BBS9: variants seen among roughly 807,000 people sequenced by gnomAD.
The protein encoded by BBS9 is Bardet-Biedl syndrome 9.
BBS9 carries 89 observed loss-of-function variants against 117.7 expected under a neutral mutation model. The ratio of observed to expected loss-of-function variants is 0.76; its 90% CI spans 0.64 to 0.90. The LOEUF (loss-of-function observed/expected upper bound fraction) is 0.90. BBS9 is among the 40% of genes least tolerant of loss of function. The pLI is 0.00. For synonymous variants in BBS9, 379 were observed against 370.9 expected (o/e 1.02, Z -0.25); for missense variants, 982 against 1,042.2 (o/e 0.94, Z 0.80).
intron 3 of BBS9, among the ~76,000 whole-genome samples, chr7:33,153,803 C>T (rs532030559): frequency 2.3e-4 from 35 of 152,238 alleles, no homozygotes; most frequent in African/African-American, 7.0e-4. Context: ...GGCTGGATTG[C>T]GGAGATTTTG....
chr7:33,377,014 A>G (rs917794128), intron 17 of BBS9, among the ~76,000 whole-genome samples: 3 of 151,898 alleles, frequency 2.0e-5, no homozygotes, highest in African/African-American at 7.3e-5. Context: ...TACTCTGTTG[A>G]TAGTTTCTTT....
intron 12 of BBS9, chr7:33,346,348 G>T: frequency 2.3e-6 from 1 of 440,626 alleles, no homozygotes. Flanking sequence ...CATGATGCGT[G>T]ACCATCTATT....
intron 5 of BBS9, among the ~76,000 whole-genome samples, chr7:33,200,464 G>T (rs375342039): frequency 3.9e-5 from 6 of 152,208 alleles, no homozygotes; most frequent in African/African-American, 4.8e-5. Flanking sequence ...TTTGAATTAT[G>T]TAAATATTAC....
At chr7:33,407,398 A>T (rs1174947404) in intron 19 of BBS9, among the ~76,000 whole-genome samples, 2 of 152,102 alleles carry the variant, frequency 1.3e-5, no homozygotes, top group African/African-American at 4.8e-5. Flanking sequence ...TGTAGCTCGG[A>T]GTAGTTTGAT....
At chr7:33,492,317 C>T (rs1336058633) in intron 19 of BBS9, among the ~76,000 whole-genome samples, 1 of 151,608 alleles carries the variant, frequency 6.6e-6, no homozygotes, top group East Asian at 1.9e-4. Flanking sequence ...GTGCTAGCCA[C>T]CGTGACAAAT....
chr7:33,591,982 A>G (rs1300970999), intron 21 of BBS9, among the ~76,000 whole-genome samples: 1 of 151,956 alleles, frequency 6.6e-6, no homozygotes, highest in Non-Finnish European at 1.5e-5. Context: ...TTTAAAAGGG[A>G]TGTGTACAGT....
intron 9 of BBS9, among the ~76,000 whole-genome samples, chr7:33,327,293 G>T (rs976625081): frequency 3.3e-5 from 5 of 152,146 alleles, no homozygotes; most frequent in African/African-American, 1.2e-4. Context: ...GGAGCCACCG[G>T]AGGATTATAA....
At chr7:33,541,572 G>A (rs1329437017) in intron 21 of BBS9, among the ~76,000 whole-genome samples, 2 of 152,044 alleles carry the variant, frequency 1.3e-5, no homozygotes, top group Non-Finnish European at 2.9e-5. Flanking sequence ...CTGATAAATG[G>A]ATAACAAATG....
intron 9 of BBS9, among the ~76,000 whole-genome samples, chr7:33,284,611 A>T (rs1293673237): frequency 1.7e-4 from 26 of 152,114 alleles, no homozygotes; most frequent in Non-Finnish European, 2.4e-4. Flanking sequence ...TATATCTTTG[A>T]TTATTTCTTC....
chr7:33,297,676 C>G lies in BBS9; in HGVS notation c.1016+23720C>G, dbSNP rs572688545. On this transcript the variant is annotated intron_variant, in intron 9 of 22. Transcript: ENST00000242067. ...ACAATATTACCAATGCAGTGGACTC[C>G]TGGAAGTTTGTTGATTATATTTTAT... 2.6e-5 allele frequency among the ~76,000 whole-genome samples: 4 copies of G among 152,158 alleles called. 1 individual carries two copies. In the South Asian group the frequency reaches 8.3e-4, roughly 32 times the overall value.
Position 33,596,391 on chromosome 7 carries a change from C to CTATCTATCTATATATA in BBS9, c.2522-8471_2522-8470insCTATCTATATATATAT, listed in dbSNP as rs968148294. Reference sequence around the variant, plus strand: ...TCTATCTATCTATCTATCTATCTATCTATATATAATTAGTCAAAAAAATTC... The same window carrying CTATCTATCTATATATA: ...TCTATCTATCTATCTATCTATCTATCTATCTATCTATATATATATATATAATTAGTCAAAAAAATTC... On this transcript the variant is annotated intron_variant, in intron 21 of 22. Coordinates refer to ENST00000242067, the MANE Select transcript of BBS9 (RefSeq NM_198428.3). Among the ~76,000 whole-genome samples, 23 of 150,526 alleles carry CTATCTATCTATATATA rather than the reference C, an allele frequency of 1.5e-4. No individual in the cohort carries two copies. In the South Asian group the frequency reaches 3.0e-3, roughly 19 times the overall value.
At chr7:33,532,682 C>T (rs1483081280) in intron 20 of BBS9, among the ~76,000 whole-genome samples, 4 of 152,106 alleles carry the variant, frequency 2.6e-5, no homozygotes, top group African/African-American at 9.7e-5. Context: ...AATGAGATGT[C>T]GGTGGGGACA....
chr7:33,360,022 G>A (rs1820332879), intron 16 of BBS9, among the ~76,000 whole-genome samples: 1 of 151,858 alleles, frequency 6.6e-6, no homozygotes, highest in African/African-American at 2.4e-5. Flanking sequence ...AATTTCACTT[G>A]TCATTCTGTT....
chr7:33,134,215 A>ATTTTTTTT (rs59609414), intron 1 of BBS9, among the ~76,000 whole-genome samples: 74 of 118,044 alleles, frequency 6.3e-4, no homozygotes, highest in East Asian at 9.9e-4. Flanking sequence ...ACGCCTGGCT[A>ATTTTTTTT]TTTTTTTTTT....
intron 20 of BBS9, among the ~76,000 whole-genome samples, chr7:33,531,670 G>A (rs781731068): frequency 6.6e-6 from 1 of 152,318 alleles, no homozygotes; most frequent in South Asian, 2.1e-4. Context: ...AAAATGGGCT[G>A]TCATGTAGAA....
intron 16 of BBS9, among the ~76,000 whole-genome samples, chr7:33,358,740 C>A (rs984379604): frequency 2.0e-5 from 3 of 151,770 alleles, no homozygotes; most frequent in Non-Finnish European, 4.4e-5. Context: ...TAAATCAACC[C>A]TTTTAAATCC....
Position 33,615,598 on chromosome 7 carries a change from A to G in BBS9, c.2522-19579A>G, listed in dbSNP as rs147907516. ...CAAGAAATGTTAGACATCTACAGAG[A>G]TGTAACTTACACATAATGGGAATAC... On this transcript the variant is annotated intron_variant, in intron 21 of 21. Transcript: ENST00000671952. Among the ~76,000 whole-genome samples the G allele has an allele frequency of 2.2e-3, 342 of 152,268 alleles. 2 individuals are homozygous for G. The highest frequency in any genetic ancestry group is 7.8e-3 in the African/African-American group (323 of 41,566).
intron 19 of BBS9, among the ~76,000 whole-genome samples, chr7:33,504,441 A>AT (rs938861360): frequency 6.6e-6 from 1 of 152,096 alleles, no homozygotes; most frequent in African/African-American, 2.4e-5. Context: ...TTGAATGATG[A>AT]TTTTTTAAAA....
At chr7:33,591,421 T>C (rs1370396178) in intron 21 of BBS9, among the ~76,000 whole-genome samples, 1 of 152,074 alleles carries the variant, frequency 6.6e-6, no homozygotes, top group Admixed American at 6.6e-5. Context: ...AGATGAGGTG[T>C]GAACTAAATG....
Sources: allele counts gnomAD v4.1 joint callset (sites outside exome capture counted in the v4.1 genomes callset), GRCh38; gene constraint gnomAD v4.1.1; transcripts MANE v1.5; gene names NCBI Gene and HGNC (gene_info 2026-07-23, HGNC 2026-07-21).